CDKN2B-AS1: variants seen among roughly 807,000 people sequenced by gnomAD.
CDKN2B-AS1 encodes CDKN2B and CDKN2A antisense cis and trans regulatory RNA 1, also known as CDKN2B antisense RNA 1 (non-protein coding).
In CDKN2B-AS1 at chr9:22,006,063, C is replaced by T. The variant is rs2131180599; in HGVS notation, n.29+10902C>T. 2 of 1,605,966 alleles carry T rather than the reference C, an allele frequency of 1.2e-6. No individual in the cohort carries two copies. The highest frequency in any genetic ancestry group is 1.7e-6 in the Non-Finnish European group (2 of 1,179,618). ...CTCCTCGGCCAAGTCCACGGGCAGACGACCCCAGGCATCGCGCACGTCCAG... is the reference window on the plus strand; with the variant it reads ...CTCCTCGGCCAAGTCCACGGGCAGATGACCCCAGGCATCGCGCACGTCCAG... On this transcript the variant is annotated intron_variant and non_coding_transcript_variant, in intron 1 of 4. Coordinates refer to ENST00000650946, the Ensembl canonical transcript of CDKN2B-AS1. The surrounding 1 kb of genome is among the most constrained non-coding windows in gnomAD (Gnocchi z 6.4).
At position 22,006,374 on chromosome 9, in the gene CDKN2B-AS1, G is replaced by C. The variant is rs1821190625; in HGVS notation, n.29+11213G>C. ...CAAAGTTTTCACCCAGTGCAGAGGT[G>C]TTCAGGTCTCTGATGTCTGGTGTTT... On this transcript the variant is annotated intron_variant and non_coding_transcript_variant, in intron 1 of 4. Coordinates refer to ENST00000650946, the Ensembl canonical transcript of CDKN2B-AS1. This position sits in a 1 kb window ranked among gnomAD's most constrained non-coding sequence, Gnocchi z 6.4. 7.7e-7 allele frequency: 1 copy of C among 1,296,856 alleles called. No homozygotes were observed. Among genetic ancestry groups the C allele is most frequent in the African/African-American group, 1.5e-5 (1 of 68,250 alleles). The allele number at this position is 1,296,856 out of a possible 1,614,324, so 80.3% of individuals were successfully genotyped here. A position where few individuals can be genotyped will look rare whatever the true frequency, so the allele number is the denominator to read the frequency against.
At chr9:22,008,679 G>T in intron 1 of CDKN2B-AS1, 1 of 1,608,986 alleles carries the variant, frequency 6.2e-7, no homozygotes, top group Non-Finnish European at 8.5e-7. Flanking sequence ...GCACACCTCC[G>T]GCCAACGGAG....
intron 4 of CDKN2B-AS1, among the ~76,000 whole-genome samples, chr9:22,062,576 T>C (rs2131300650): frequency 6.6e-6 from 1 of 152,298 alleles, no homozygotes; most frequent in South Asian, 2.1e-4. Context: ...TTTCCTTACA[T>C]GATTCCAAGA....
chr9:22,061,065 A>T (rs1206240773), intron 4 of CDKN2B-AS1, among the ~76,000 whole-genome samples: 1 of 152,230 alleles, frequency 6.6e-6, no homozygotes, highest in East Asian at 1.9e-4. Flanking sequence ...TCTTGTACTG[A>T]TAATTAATAT....
In CDKN2B-AS1 at chr9:22,071,285, C is replaced by CTTTTTTTTTTTT. The variant is rs71336509; in HGVS notation, n.438+14918_438+14929dup. On this transcript the variant is annotated intron_variant and non_coding_transcript_variant, in intron 4 of 4. Coordinates refer to ENST00000650946, the Ensembl canonical transcript of CDKN2B-AS1. ...AGAGGCCAGGCTTAGAAATATCTAGCTTTTTTTTTTTTTTTTTTTTTTTTT... is the reference window on the plus strand; with the variant it reads ...AGAGGCCAGGCTTAGAAATATCTAGCTTTTTTTTTTTTTTTTTTTTTTTTTTTTTTTTTTTTT... Among the ~76,000 whole-genome samples the CTTTTTTTTTTTT allele has an allele frequency of 4.1e-4, 28 of 67,580 alleles. 1 individual carries two copies. Among genetic ancestry groups the CTTTTTTTTTTTT allele is most frequent in the African/African-American group, 1.8e-3 (26 of 14,208 alleles). The allele number at this position is 67,580 out of a possible 152,430, so 44.3% of individuals were successfully genotyped here.
intron 3 of CDKN2B-AS1, among the ~76,000 whole-genome samples, chr9:22,054,182 A>T (rs539738444): frequency 6.6e-6 from 1 of 152,224 alleles, no homozygotes; most frequent in Non-Finnish European, 1.5e-5. Flanking sequence ...TTTCTATTTT[A>T]CAGATGAAGA....
chr9:22,070,251 AATTG>A (rs1824235999), intron 4 of CDKN2B-AS1, among the ~76,000 whole-genome samples: 1 of 152,192 alleles, frequency 6.6e-6, no homozygotes, highest in African/African-American at 2.4e-5. Flanking sequence ...TTAATTGGTT[AATTG>A]ATTGATTCGA....
rs992281883 is a variant in CDKN2B-AS1 at position 22,005,159 on chromosome 9, T to C, written n.29+9998T>C. On this transcript the variant is annotated intron_variant and non_coding_transcript_variant, in intron 1 of 4. Transcript: ENST00000650946. The surrounding 1 kb of genome is among the most constrained non-coding windows in gnomAD (Gnocchi z 4.9). ...GTGTGTGTGAAAGAAAACGTTACAG[T>C]TAACCGTTACAATTGCTCTCACTCC... 1.3e-5 allele frequency: 3 copies of C among 231,306 alleles called. No individual in the cohort carries two copies. Among genetic ancestry groups the C allele is most frequent in the African/African-American group, 6.7e-5 (3 of 44,814 alleles). The allele number at this position is 231,306 out of a possible 1,614,324, so 14.3% of individuals were successfully genotyped here.
At chr9:22,087,923 G>A (rs1824918995) in intron 4 of CDKN2B-AS1, among the ~76,000 whole-genome samples, 1 of 152,226 alleles carries the variant, frequency 6.6e-6, no homozygotes, top group South Asian at 2.1e-4. Flanking sequence ...TTCCTATGAA[G>A]ACTCTGAGCT....
chr9:22,111,536 TG>T (rs1355126691), intron 4 of CDKN2B-AS1, among the ~76,000 whole-genome samples: 2 of 151,988 alleles, frequency 1.3e-5, no homozygotes, highest in Non-Finnish European at 2.9e-5. Flanking sequence ...TTCTTACAAG[TG>T]ATCAGATGTC....
At chr9:22,047,071 T>G (rs1274063882) in intron 2 of CDKN2B-AS1, among the ~76,000 whole-genome samples, 6 of 152,136 alleles carry the variant, frequency 3.9e-5, no homozygotes, top group African/African-American at 1.4e-4. Flanking sequence ...GTAATAAAGA[T>G]TAAATCCATG....
intron 3 of CDKN2B-AS1, among the ~76,000 whole-genome samples, chr9:22,051,206 A>C (rs1188267832): frequency 6.6e-6 from 1 of 152,102 alleles, no homozygotes; most frequent in African/African-American, 2.4e-5. Flanking sequence ...AATGAAAGAG[A>C]CATTTTGTTG....
chr9:22,013,027 C>T (rs1204014250), intron 1 of CDKN2B-AS1, among the ~76,000 whole-genome samples: 1 of 152,194 alleles, frequency 6.6e-6, no homozygotes, highest in African/African-American at 2.4e-5. Context: ...TTAACTTCTC[C>T]TGAGGCTTCT....
chr9:22,060,792 C>T (rs530164145), intron 4 of CDKN2B-AS1, among the ~76,000 whole-genome samples: 117 of 152,300 alleles, frequency 7.7e-4, no homozygotes, highest in Admixed American at 1.7e-3. Context: ...AGGCACTTCT[C>T]ATGTGGCAGT....
chr9:22,096,748 C>T (rs368768016), intron 4 of CDKN2B-AS1, among the ~76,000 whole-genome samples: 1 of 152,214 alleles, frequency 6.6e-6, no homozygotes, highest in East Asian at 1.9e-4. Flanking sequence ...TATTAAAATG[C>T]CCTATGTTAT....
chr9:22,106,614 A>T (rs903385839), intron 4 of CDKN2B-AS1, among the ~76,000 whole-genome samples: 1 of 152,204 alleles, frequency 6.6e-6, no homozygotes, highest in East Asian at 1.9e-4. Context: ...ATATATGTAA[A>T]TGCCTTGGCA....
chr9:22,012,216 A>G (rs1821539001), intron 1 of CDKN2B-AS1: 3 of 1,407,840 alleles, frequency 2.1e-6, no homozygotes, highest in Non-Finnish European at 2.0e-6. Context: ...GAGCCCAGTG[A>G]CACCATTGAG....
At chr9:22,061,582 G>C (rs1298081135) in intron 4 of CDKN2B-AS1, among the ~76,000 whole-genome samples, 1 of 152,058 alleles carries the variant, frequency 6.6e-6, no homozygotes, top group African/African-American at 2.4e-5. Flanking sequence ...TCCATTAATA[G>C]CAACTAAATT....
chr9:22,096,977 G>A (rs983482991), intron 4 of CDKN2B-AS1, among the ~76,000 whole-genome samples: 1 of 152,098 alleles, frequency 6.6e-6, no homozygotes, highest in Non-Finnish European at 1.5e-5. Flanking sequence ...GATTTGCAGT[G>A]TTGTGTCCTA....
Sources: gnomAD v4.1 joint callset for allele counts (sites outside exome capture counted in the v4.1 genomes callset) on GRCh38, gnomAD v4.1.1 for gene constraint, Gnocchi (gnomAD v3.1) non-coding constraint, MANE v1.5 for transcripts, NCBI Gene and HGNC (gene_info 2026-07-23, HGNC 2026-07-21) for gene names.